The following KCNIP4 variants were observed in gnomAD, a reference collection of about 807,000 sequenced individuals.
The protein encoded by KCNIP4 is potassium voltage-gated channel interacting protein 4.
In KCNIP4, 12 loss-of-function variants were observed where a neutral mutation model predicts 34.0. The ratio of observed to expected loss-of-function variants is 0.35; its 90% CI spans 0.23 to 0.57. The LOEUF is 0.57. KCNIP4 is among the 20% of genes least tolerant of loss of function. KCNIP4 has a pLI of 0.83. For missense variants in KCNIP4, 238 were observed against 311.7 expected (o/e 0.76, Z 1.78); for synonymous variants, 124 against 102.2 (o/e 1.21, Z -1.29).
chr4:21,225,625 A>G (rs182744342), intron 1 of KCNIP4, among the ~76,000 whole-genome samples: 2 of 152,226 alleles, frequency 1.3e-5, no homozygotes, highest in Admixed American at 1.3e-4. Flanking sequence ...TACAATGATG[A>G]CACTCCTCTT....
intron 3 of KCNIP4, among the ~76,000 whole-genome samples, chr4:20,816,996 A>C (rs1391901606): frequency 6.6e-6 from 1 of 152,206 alleles, no homozygotes; most frequent in Non-Finnish European, 1.5e-5. Flanking sequence ...ATTTAGAGGC[A>C]TTCAAGGGAG....
intron 1 of KCNIP4, among the ~76,000 whole-genome samples, chr4:21,221,876 C>T (rs955437543): frequency 4.6e-5 from 7 of 152,142 alleles, no homozygotes; most frequent in Admixed American, 3.3e-4. Context: ...GATGGCCACA[C>T]GAATAAGTTT....
At chr4:21,385,033 G>A (rs897405853) in intron 1 of KCNIP4, among the ~76,000 whole-genome samples, 2 of 152,124 alleles carry the variant, frequency 1.3e-5, no homozygotes, top group Non-Finnish European at 2.9e-5. Flanking sequence ...ATGGAACAGG[G>A]TTTCCTGGGG....
chr4:21,547,162 C>T (rs942169405), intron 1 of KCNIP4, among the ~76,000 whole-genome samples: 12 of 151,990 alleles, frequency 7.9e-5, no homozygotes, highest in African/African-American at 2.9e-4. Flanking sequence ...CTGAGTCTCC[C>T]AGCAGAACCC....
intron 1 of KCNIP4, among the ~76,000 whole-genome samples, chr4:20,955,805 C>T (rs999948290): frequency 2.0e-5 from 3 of 152,160 alleles, no homozygotes; most frequent in African/African-American, 7.2e-5. Context: ...CCTAAATTCA[C>T]ACATCTATGG....
chr4:20,870,525 G>A (rs755070433), intron 2 of KCNIP4, among the ~76,000 whole-genome samples: 1 of 152,162 alleles, frequency 6.6e-6, no homozygotes, highest in South Asian at 2.1e-4. Context: ...TACACATGGC[G>A]AGAGTAATTC....
At chr4:21,665,936 G>A (rs1178671625) in intron 1 of KCNIP4, among the ~76,000 whole-genome samples, 1 of 152,058 alleles carries the variant, frequency 6.6e-6, no homozygotes, top group African/African-American at 2.4e-5. Flanking sequence ...AACCCAGGAA[G>A]GTGGAAACTA....
At chr4:20,876,132 G>A (rs957534342) in intron 2 of KCNIP4, among the ~76,000 whole-genome samples, 7 of 152,130 alleles carry the variant, frequency 4.6e-5, no homozygotes, top group African/African-American at 1.7e-4. Context: ...AGATAGTGCT[G>A]GGTAGATGTT....
At chr4:20,885,430 CCCAGAAG>C (rs1447870981) in intron 1 of KCNIP4, among the ~76,000 whole-genome samples, 1 of 151,988 alleles carries the variant, frequency 6.6e-6, no homozygotes, top group African/African-American at 2.4e-5. Flanking sequence ...TGTGACCCTA[CCCAGAAG>C]CCAACTCAGC....
chr4:21,002,833 G>A (rs1221647138), intron 1 of KCNIP4, among the ~76,000 whole-genome samples: 1 of 152,184 alleles, frequency 6.6e-6, no homozygotes, highest in Non-Finnish European at 1.5e-5. Context: ...ATTATTCTGA[G>A]ATAAGTCCTT....
intron 1 of KCNIP4, among the ~76,000 whole-genome samples, chr4:20,901,701 G>C (rs1727169453): frequency 6.6e-6 from 1 of 151,984 alleles, no homozygotes; most frequent in African/African-American, 2.4e-5. Context: ...TGTGGCCTTG[G>C]GAACACTCCT....
intron 1 of KCNIP4, among the ~76,000 whole-genome samples, chr4:21,477,019 G>C (rs1731037427): frequency 6.6e-6 from 1 of 152,098 alleles, no homozygotes; most frequent in Admixed American, 6.6e-5. Context: ...TGTCCTAAGA[G>C]ACTGCTTGTT....
intron 1 of KCNIP4, among the ~76,000 whole-genome samples, chr4:21,217,357 G>A (rs941910879): frequency 6.6e-6 from 1 of 152,112 alleles, no homozygotes; most frequent in Non-Finnish European, 1.5e-5. Flanking sequence ...CTACATGGTC[G>A]TTTTTGATGA....
At chr4:21,066,653 C>G (rs1432763010) in intron 1 of KCNIP4, among the ~76,000 whole-genome samples, 3 of 152,150 alleles carry the variant, frequency 2.0e-5, no homozygotes. Flanking sequence ...TAAAAAGTAA[C>G]ATGGGGTGGA....
intron 1 of KCNIP4, among the ~76,000 whole-genome samples, chr4:21,046,748 C>T (rs961867241): frequency 3.9e-5 from 6 of 152,172 alleles, no homozygotes; most frequent in East Asian, 3.9e-4. Context: ...CGCGCAACCA[C>T]GCCAGGCTAA....
chr4:21,528,277 T>C (rs547130819), intron 1 of KCNIP4, among the ~76,000 whole-genome samples: 2 of 151,974 alleles, frequency 1.3e-5, no homozygotes, highest in Admixed American at 1.3e-4. Flanking sequence ...GGGATTTGAG[T>C]TATTGTTGTT....
intron 1 of KCNIP4, among the ~76,000 whole-genome samples, chr4:21,099,983 A>G (rs997643228): frequency 6.6e-6 from 1 of 152,196 alleles, no homozygotes; most frequent in Non-Finnish European, 1.5e-5. Flanking sequence ...ACTACAATGG[A>G]TGAGAAGTTT....
At chr4:21,748,904 T>C (rs944151732) in intron 1 of KCNIP4, among the ~76,000 whole-genome samples, 1 of 152,090 alleles carries the variant, frequency 6.6e-6, no homozygotes, top group Non-Finnish European at 1.5e-5. Flanking sequence ...AAATGGTAGA[T>C]GGGTGGCATC....
chr4:20,766,776 G>C (rs141996244), intron 3 of KCNIP4: 21 of 152,256 alleles, frequency 1.4e-4, no homozygotes, highest in African/African-American at 5.1e-4. Flanking sequence ...CCATACAATA[G>C]CTGGTAATTT....
Sources: allele counts gnomAD v4.1 joint callset (sites outside exome capture counted in the v4.1 genomes callset), GRCh38; gene constraint gnomAD v4.1.1; transcripts MANE v1.5; gene names NCBI Gene and HGNC (gene_info 2026-07-23, HGNC 2026-07-21).